TF: variants seen among roughly 807,000 people sequenced by gnomAD.
The protein encoded by TF is transferrin.
Under a neutral mutation model 82.4 loss-of-function variants are expected in TF, and 55 were observed. The observed-to-expected ratio is 0.67, with a 90% CI of 0.54 to 0.84. The LOEUF (loss-of-function observed/expected upper bound fraction) is 0.84, where lower values mean the gene tolerates loss of function less well. Among genes scored for constraint, TF ranks in the 40% least tolerant of loss-of-function variants. TF has a pLI of 0.00. For synonymous variants in TF, 332 were observed against 332.6 expected (o/e 1.00, Z 0.02); for missense variants, 737 against 868.4 (o/e 0.85, Z 1.90).
chr3:133,768,869 T>C (rs1934194269), intron 13 of TF, among the ~76,000 whole-genome samples: 1 of 146,076 alleles, frequency 6.8e-6, no homozygotes, highest in Non-Finnish European at 1.5e-5. Flanking sequence ...CATGGTTCAC[T>C]GCAGCCTCAA....
chr3:133,704,610 G>T, the TF span, among the ~76,000 whole-genome samples: 1 of 152,164 alleles, frequency 6.6e-6, no homozygotes, highest in Non-Finnish European at 1.5e-5. Context: ...CCTTAAAGTT[G>T]CCCACTAGTT....
At chr3:133,754,780 T>G in intron 4 of TF, 109 bp downstream of exon 4, 2 of 1,255,026 alleles carry the variant, frequency 1.6e-6, no homozygotes, top group South Asian at 2.4e-5. Context: ...TGAACTCAGG[T>G]GGGGGAAAGA....
intron 6 of TF, 23 bp downstream of exon 6, chr3:133,756,360 CCAGGGCCACT>C (rs1933830526): frequency 6.2e-7 from 1 of 1,613,152 alleles, no homozygotes; most frequent in East Asian, 2.2e-5. Context: ...CAAGAATCCA[CCAGGGCCACT>C]CCAAGTAGTG....
At chr3:133,736,249 AC>A in the TF span, among the ~76,000 whole-genome samples, 1 of 152,234 alleles carries the variant, frequency 6.6e-6, no homozygotes, top group Admixed American at 6.5e-5. Flanking sequence ...CAGACAAGCA[AC>A]TGCTGAGAGA....
At chr3:133,767,249 G>T (rs2718806) in intron 12 of TF, among the ~76,000 whole-genome samples, 1 of 152,044 alleles carries the variant, frequency 6.6e-6, no homozygotes, top group Admixed American at 6.5e-5. Flanking sequence ...TTTCTACCCC[G>T]CTTAAACTTT....
chr3:133,750,152 A>G (rs903164332), intron 2 of TF, among the ~76,000 whole-genome samples: 1 of 152,248 alleles, frequency 6.6e-6, no homozygotes, highest in Non-Finnish European at 1.5e-5. Context: ...TTGGAAAGGG[A>G]GGTCAGGGGC....
chr3:133,786,707 T>G lies in TF; in HGVS notation c.*8087T>G, dbSNP rs1407385547. The G allele has an allele frequency of 6.7e-6, 1 of 150,014 alleles. No homozygotes were observed. The highest frequency in any genetic ancestry group is 2.4e-5 in the African/African-American group (1 of 41,264). The allele number at this position is 150,014 out of a possible 1,614,324, so 9.3% of individuals were successfully genotyped here. On this transcript the variant is annotated 3_prime_UTR_variant, in exon 17 of 17. Transcript: ENST00000402696. ...TGAAAATTTGAGCATTATTGCCCAG[T>G]GGGTTGATGGAGATGGGAAGGTGTA...
At chr3:133,699,510 C>T in the TF span, 1 of 1,111,664 alleles carries the variant, frequency 9.0e-7, no homozygotes, top group African/African-American at 1.6e-5. Flanking sequence ...CACCCAGAAG[C>T]TGGTAGTTGG....
chr3:133,730,139 C>T, the TF span, among the ~76,000 whole-genome samples: 1 of 152,130 alleles, frequency 6.6e-6, no homozygotes, highest in Non-Finnish European at 1.5e-5. Context: ...TCTTCCAGCT[C>T]ATTTAGTTGC....
chr3:133,705,364 C>G, the TF span, among the ~76,000 whole-genome samples: 2 of 152,100 alleles, frequency 1.3e-5, no homozygotes, highest in African/African-American at 4.8e-5. Context: ...GGTTCTTTCC[C>G]TCCCGTATAG....
chr3:133,725,021 G>C, the TF span, among the ~76,000 whole-genome samples: 2 of 152,118 alleles, frequency 1.3e-5, no homozygotes, highest in African/African-American at 2.4e-5. Context: ...CTATATCTCT[G>C]TTTTGGTACC....
At chr3:133,768,777 C>G (rs1358022) in intron 13 of TF, among the ~76,000 whole-genome samples, 37,235 of 146,002 alleles carry the variant, frequency 0.26, 5,077 homozygotes, top group African/African-American at 0.31. Flanking sequence ...TACCTGTGTA[C>G]CTTGCTATTT....
intron 2 of TF, among the ~76,000 whole-genome samples, chr3:133,750,106 A>G (rs1038358113): frequency 3.3e-5 from 5 of 152,206 alleles, no homozygotes; most frequent in Admixed American, 2.0e-4. Flanking sequence ...CAAGAGATAC[A>G]TATTCACAGT....
At chr3:133,679,230 C>T in the TF span, among the ~76,000 whole-genome samples, 2 of 152,092 alleles carry the variant, frequency 1.3e-5, no homozygotes, top group Non-Finnish European at 2.9e-5. Flanking sequence ...CCATCTTGCC[C>T]AGGCTAGTCT....
rs1425925146 is a variant in TF, at chr3:133,784,321, T to G, written c.*5701T>G. Reference sequence around the variant, plus strand: ...TTACTGGCTGTTTATAGAAGGCCCGTGTATATCCTATGAAGAAGCTGCTCT... The same window carrying G: ...TTACTGGCTGTTTATAGAAGGCCCGGGTATATCCTATGAAGAAGCTGCTCT... On this transcript the variant is annotated 3_prime_UTR_variant, in exon 17 of 17. Coordinates refer to ENST00000402696, the MANE Select transcript of TF (RefSeq NM_001063.4). 6.6e-6 allele frequency: 1 copy of G among 152,132 alleles called. No individual in the cohort carries two copies. Among genetic ancestry groups the G allele is most frequent in the East Asian group, 1.9e-4 (1 of 5,194 alleles). The allele number at this position is 152,132 out of a possible 1,614,324, so 9.4% of individuals were successfully genotyped here.
chr3:133,712,655 T>C, the TF span: 1 of 155,968 alleles, frequency 6.4e-6, no homozygotes, highest in East Asian at 1.7e-4. Flanking sequence ...TTGTCCTTTC[T>C]CGCAGATGAT....
At position 133,781,029 on chromosome 3, in the gene TF, T is replaced by A. The variant is rs1934504996; in HGVS notation, c.*2409T>A. 6.7e-6 allele frequency: 1 copy of A among 149,296 alleles called. No homozygotes were observed. Among genetic ancestry groups the A allele is most frequent in the African/African-American group, 2.5e-5 (1 of 40,322 alleles). The allele number at this position is 149,296 out of a possible 1,614,324, so 9.2% of individuals were successfully genotyped here. A position where few individuals can be genotyped will look rare whatever the true frequency, so the allele number is the denominator to read the frequency against. On this transcript the variant is annotated 3_prime_UTR_variant, in exon 17 of 17. Transcript: ENST00000402696. The stretch of plus-strand genomic sequence containing the variant: ...TCTGTCTGGAAAATAATAAAAATAA[T>A]AATAATAGGCAGGGCGTGGTGGCTC...
chr3:133,752,724 A>C (rs1490827965), intron 2 of TF, among the ~76,000 whole-genome samples: 1 of 152,240 alleles, frequency 6.6e-6, no homozygotes, highest in East Asian at 1.9e-4. Flanking sequence ...CTGAAATCCC[A>C]GCTCCATGAC....
intron 14 of TF, chr3:133,774,417 G>A (rs1267907214): frequency 2.0e-5 from 3 of 152,020 alleles, no homozygotes; most frequent in African/African-American, 7.2e-5. Flanking sequence ...TAGTTAAGAA[G>A]AACGAGCTTG....
Sources: gnomAD v4.1 joint callset for allele counts (sites outside exome capture counted in the v4.1 genomes callset) on GRCh38, gnomAD v4.1.1 for gene constraint, MANE v1.5 for transcripts, NCBI Gene and HGNC (gene_info 2026-07-23, HGNC 2026-07-21) for gene names.